The following KPNA4 variants were observed in gnomAD, a reference collection of about 807,000 sequenced individuals.
KPNA4 encodes karyopherin subunit alpha 4, also known as importin subunit alpha-3.
KPNA4 carries 13 observed loss-of-function variants against 71.3 expected under a neutral mutation model. That is an observed-to-expected ratio of 0.18 (90% CI 0.12 to 0.29). KPNA4 has a LOEUF of 0.29. Among genes scored for constraint, KPNA4 ranks in the 10% least tolerant of loss-of-function variants. KPNA4 has a pLI of 1.00. For synonymous variants in KPNA4, 189 were observed against 195.2 expected, an observed-to-expected ratio of 0.97 and a Z score of 0.26; for missense variants, 334 against 603.2, an observed-to-expected ratio of 0.55 and a Z score of 4.67.
chr3:160,505,342 A>C (rs956147806), intron 15 of KPNA4, among the ~76,000 whole-genome samples: 1 of 152,336 alleles, frequency 6.6e-6, no homozygotes, highest in Middle Eastern at 3.4e-3. Context: ...ACCAATGTTT[A>C]TAACCAGCAA....
intron 14 of KPNA4, among the ~76,000 whole-genome samples, chr3:160,509,523 T>A (rs1721051734): frequency 6.6e-6 from 1 of 152,176 alleles, no homozygotes; most frequent in African/African-American, 2.4e-5. Flanking sequence ...CGAAAGGAAG[T>A]CAAGGTGATA....
Position 160,501,407 on chromosome 3 carries a change from G to A in KPNA4, c.*697C>T, listed in dbSNP as rs1720878164. The stretch of plus-strand genomic sequence containing the variant: ...AATGTCTGCTGCTAAACCAGTCTTT[G>A]TTTTCATGTCCAGTGTACATTAACA... On this transcript the variant is annotated 3_prime_UTR_variant, in exon 17 of 17. Coordinates refer to ENST00000334256, the MANE Select transcript of KPNA4 (RefSeq NM_002268.5). 1 of 152,488 alleles carries A rather than the reference G, an allele frequency of 6.6e-6. No homozygotes were observed. The highest frequency in any genetic ancestry group is 2.4e-5 in the African/African-American group (1 of 41,396). 9.4% of individuals were successfully genotyped at this position (152,488 alleles called of 1,614,324 possible). A position where few individuals can be genotyped will look rare whatever the true frequency, so the allele number is the denominator to read the frequency against.
At chr3:160,560,813 T>C (rs552435805) in intron 1 of KPNA4, among the ~76,000 whole-genome samples, 2 of 152,194 alleles carry the variant, frequency 1.3e-5, no homozygotes, top group South Asian at 2.1e-4. Flanking sequence ...TTCCTAACTA[T>C]ATTTCTATCA....
chr3:160,502,610 A>G (rs560651363), intron 16 of KPNA4, among the ~76,000 whole-genome samples: 38 of 152,212 alleles, frequency 2.5e-4, no homozygotes, highest in African/African-American at 8.7e-4. Flanking sequence ...AGCTCAAGCA[A>G]TCTGCCTGTC....
In KPNA4 at chr3:160,496,016, G is replaced by C. The variant is rs940733153; in HGVS notation, c.*6088C>G. On this transcript the variant is annotated 3_prime_UTR_variant, in exon 17 of 17. Coordinates refer to ENST00000334256, the MANE Select transcript of KPNA4 (RefSeq NM_002268.5). ...AAAAAGAGTAAAATGGTGGCCAGGCGGTGGCTCACGCCTGCAATCCCAGCA... is the reference window on the plus strand; with the variant it reads ...AAAAAGAGTAAAATGGTGGCCAGGCCGTGGCTCACGCCTGCAATCCCAGCA... The C allele has an allele frequency of 6.6e-6, 1 of 151,870 alleles. No homozygotes were observed. Among genetic ancestry groups the C allele is most frequent in the Non-Finnish European group, 1.5e-5 (1 of 68,056 alleles). The allele number at this position is 151,870 out of a possible 1,614,324, so 9.4% of individuals were successfully genotyped here.
At position 160,565,173 on chromosome 3, in the gene KPNA4, G is replaced by C. The variant is rs1056828100; in HGVS notation, c.69+41C>G. Reference sequence around the variant, plus strand: ...GGGTCCCGGCGGAGACCGGCCCCAGGCCCACAGCCCCCACCCCTCCGGCGT... The same window carrying C: ...GGGTCCCGGCGGAGACCGGCCCCAGCCCCACAGCCCCCACCCCTCCGGCGT... On this transcript the variant is annotated intron_variant, in intron 1 of 16. Coordinates refer to ENST00000334256, the MANE Select transcript of KPNA4 (RefSeq NM_002268.5). The C allele has an allele frequency of 1.2e-5, 18 of 1,534,032 alleles. No individual in the cohort carries two copies. In the African/African-American group the frequency reaches 2.3e-4, roughly 20 times the overall value.
At chr3:160,528,479 C>A (rs569248140) in intron 7 of KPNA4, among the ~76,000 whole-genome samples, 2 of 152,134 alleles carry the variant, frequency 1.3e-5, no homozygotes, top group South Asian at 4.1e-4. Context: ...GATTCTCCTG[C>A]CTCACCCTCC....
intron 13 of KPNA4, among the ~76,000 whole-genome samples, chr3:160,511,010 T>C (rs1381793077): frequency 6.6e-6 from 1 of 151,868 alleles, no homozygotes; most frequent in Non-Finnish European, 1.5e-5. Context: ...AGGCTGGTCT[T>C]GAACTCCTGA....
chr3:160,518,299 C>T (rs1377071125), intron 11 of KPNA4, among the ~76,000 whole-genome samples: 5 of 151,506 alleles, frequency 3.3e-5, no homozygotes, highest in African/African-American at 1.2e-4. Context: ...CCACGCCCGG[C>T]TAATTTTTTG....
intron 5 of KPNA4, among the ~76,000 whole-genome samples, chr3:160,533,705 A>C (rs1258991951): frequency 6.6e-6 from 1 of 152,232 alleles, no homozygotes; most frequent in Non-Finnish European, 1.5e-5. Flanking sequence ...GTTGCTTTGC[A>C]ATACCAGTGT....
rs1720771610 is a variant in KPNA4, at chr3:160,496,702, T to C, written c.*5402A>G. On this transcript the variant is annotated 3_prime_UTR_variant, in exon 17 of 17. Transcript: ENST00000334256. Reference sequence around the variant, plus strand: ...ATCTGGAGTAGGCAGCTACAAAAGGTATAAAATTTGTGGAGAAGGCAAAAA... The same window carrying C: ...ATCTGGAGTAGGCAGCTACAAAAGGCATAAAATTTGTGGAGAAGGCAAAAA... 1 of 152,174 alleles carries C rather than the reference T, an allele frequency of 6.6e-6. No homozygotes were observed. The highest frequency in any genetic ancestry group is 2.4e-5 in the African/African-American group (1 of 41,444). 9.4% of individuals were successfully genotyped at this position (152,174 alleles called of 1,614,324 possible).
In KPNA4 at chr3:160,501,886, G is replaced by A. The variant is rs1044725989; in HGVS notation, c.*218C>T. On this transcript the variant is annotated 3_prime_UTR_variant, in exon 17 of 17. Transcript: ENST00000334256. ...TACATTTTGCCACTCATTCTCACTC[G>A]CACCCACTCGCCATCTTGACCTCAT... The A allele has an allele frequency of 2.2e-4, 47 of 211,146 alleles. No homozygotes were observed. The highest frequency in any genetic ancestry group is 3.4e-4 in the Non-Finnish European group (36 of 106,660). The allele number at this position is 211,146 out of a possible 1,614,324, so 13.1% of individuals were successfully genotyped here.
At chr3:160,542,755 A>G (rs373746799) in intron 1 of KPNA4, among the ~76,000 whole-genome samples, 18 of 152,018 alleles carry the variant, frequency 1.2e-4, no homozygotes, top group East Asian at 5.8e-4. Context: ...GACACTGAGC[A>G]TAAGTGAAGA....
chr3:160,523,325 C>A (rs1274090016), intron 10 of KPNA4, among the ~76,000 whole-genome samples: 1 of 151,610 alleles, frequency 6.6e-6, no homozygotes. Context: ...AGAAACAATT[C>A]GGCATTGTTT....
intron 1 of KPNA4, among the ~76,000 whole-genome samples, chr3:160,562,316 T>A (rs2108563477): frequency 6.6e-6 from 1 of 152,314 alleles, no homozygotes; most frequent in Non-Finnish European, 1.5e-5. Flanking sequence ...GTATTTTGGA[T>A]ATACTGGATT....
At position 160,530,944 on chromosome 3, in the gene KPNA4, CA is replaced by C. The variant is rs758970603; in HGVS notation, c.384-5del. The C allele has an allele frequency of 1.0e-4, 156 of 1,551,896 alleles. No homozygotes were observed. The highest frequency in any genetic ancestry group is 2.2e-4 in the Admixed American group (12 of 53,404). Reference sequence around the variant, plus strand: ...AGCTTCAAACTGTAAAGAAGGACTACAAAAAAAAACAAGTATTTTTAAACAG... The same window carrying C: ...AGCTTCAAACTGTAAAGAAGGACTACAAAAAAAACAAGTATTTTTAAACAG... On this transcript the variant is annotated splice_polypyrimidine_tract_variant and splice_region_variant and intron_variant, in intron 6 of 16. Coordinates refer to ENST00000334256, the MANE Select transcript of KPNA4 (RefSeq NM_002268.5).
Position 160,525,970 on chromosome 3 carries a change from C to T in KPNA4, c.694G>A (p.Asp232Asn), listed in dbSNP as rs1461493964. Residue 232 changes from aspartate (D) to asparagine (N), a missense_variant, in exon 9 of 17, where the codon GAC becomes AAC. Physicochemically the swap from Asp to Asn is conservative, Grantham distance 23. Coordinates refer to ENST00000334256, the MANE Select transcript of KPNA4 (RefSeq NM_002268.5). ...ATGGTTTCCATTGGTGGTGGTGGGT[C>T]TTTGTGGCGACATAAGTTGACCATA... ...WVMVNLCRHKDPPPPMETIQE... is the reference protein window; with the variant it reads ...WVMVNLCRHKNPPPPMETIQE... The T allele has an allele frequency of 2.0e-5, 32 of 1,588,476 alleles. No homozygotes were observed. The highest frequency in any genetic ancestry group is 2.7e-5 in the Non-Finnish European group (31 of 1,169,044).
At position 160,505,001 on chromosome 3, in the gene KPNA4, T is replaced by G. The variant is rs1410418674; in HGVS notation, c.1424A>C (p.Lys475Thr). ...CTGATCAATGATCTCATAGGCCAATTTGTAGATGTCTTCATTTTCATGATT... is the reference window on the plus strand; with the variant it reads ...CTGATCAATGATCTCATAGGCCAATGTGTAGATGTCTTCATTTTCATGATT... ...LQNHENEDIYKLAYEIIDQFF... is the reference protein window; with the variant it reads ...LQNHENEDIYTLAYEIIDQFF... Residue 475 changes from lysine (K) to threonine (T), a missense_variant, in exon 16 of 17, where the codon AAA becomes ACA. Coordinates refer to ENST00000334256, the MANE Select transcript of KPNA4 (RefSeq NM_002268.5). 1.3e-6 allele frequency: 2 copies of G among 1,571,422 alleles called. No homozygotes were observed. Among genetic ancestry groups the G allele is most frequent in the Non-Finnish European group, 1.7e-6 (2 of 1,159,710 alleles).
intron 1 of KPNA4, among the ~76,000 whole-genome samples, chr3:160,538,264 T>TA (rs959681368): frequency 7.9e-5 from 12 of 151,966 alleles, no homozygotes; most frequent in African/African-American, 2.9e-4. Flanking sequence ...AAATGTAATG[T>TA]AAGTGCTTCT....
Sources: allele counts gnomAD v4.1 joint callset (sites outside exome capture counted in the v4.1 genomes callset), GRCh38; gene constraint gnomAD v4.1.1; transcripts MANE v1.5; gene names NCBI Gene and HGNC (gene_info 2026-07-23, HGNC 2026-07-21).